GRIN2A: variants seen among roughly 807,000 people sequenced by gnomAD.
GRIN2A encodes the protein glutamate ionotropic receptor NMDA type subunit 2A.
A neutral mutation model predicts 113.4 loss-of-function variants in GRIN2A; 22 were observed. The observed-to-expected ratio is 0.19, with a 90% CI of 0.14 to 0.28. GRIN2A has a LOEUF of 0.28. GRIN2A is among the 10% of genes least tolerant of loss of function. GRIN2A has a pLI of 1.00. For synonymous variants in GRIN2A, 827 were observed against 738.4 expected (o/e 1.12, Z -1.94); for missense variants, 1,502 against 1,887.0 (o/e 0.80, Z 3.78).
At chr16:10,048,282 A>G (rs138260936) in intron 2 of GRIN2A, among the ~76,000 whole-genome samples, 1 of 152,308 alleles carries the variant, frequency 6.6e-6, no homozygotes, top group East Asian at 1.9e-4. Context: ...GCACTTAGTA[A>G]GCCCTATGTA....
At chr16:9,918,144 T>A (rs1476526647) in intron 3 of GRIN2A, among the ~76,000 whole-genome samples, 2 of 152,204 alleles carry the variant, frequency 1.3e-5, no homozygotes, top group Non-Finnish European at 2.9e-5. Context: ...ATTTTACTGA[T>A]GACAAAAATG....
intron 5 of GRIN2A, among the ~76,000 whole-genome samples, chr16:9,848,262 C>A (rs528970529): frequency 2.6e-5 from 4 of 151,100 alleles, no homozygotes; most frequent in South Asian, 2.1e-4. Context: ...GTTGCCTAGG[C>A]TGGAGTGTAG....
At chr16:9,944,886 C>T (rs2044981006) in intron 2 of GRIN2A, among the ~76,000 whole-genome samples, 1 of 152,162 alleles carries the variant, frequency 6.6e-6, no homozygotes, top group African/African-American at 2.4e-5. Flanking sequence ...ATTCATTCAA[C>T]AAATTTAACA....
chr16:9,977,746 C>T lies in GRIN2A; in HGVS notation c.415-39195G>A, dbSNP rs566761041. Among the ~76,000 whole-genome samples the T allele has an allele frequency of 1.1e-4, 17 of 152,068 alleles. No individual in the cohort carries two copies. The East Asian group carries it at 2.1e-3, about 19-fold the overall frequency. ...CCATGTGTGCATGTACTCACATGTG[C>T]ACACACACACATACACACACACTTC... On this transcript the variant is annotated intron_variant, in intron 2 of 12. Coordinates refer to ENST00000330684, the MANE Select transcript of GRIN2A (RefSeq NM_001134407.3).
chr16:9,789,307 AAAG>A (rs1176162094), intron 11 of GRIN2A, among the ~76,000 whole-genome samples: 4 of 152,180 alleles, frequency 2.6e-5, no homozygotes, highest in Non-Finnish European at 5.9e-5. Context: ...CCAGCAGACT[AAAG>A]AACAGATTTC....
chr16:9,851,330 C>A (rs2042878984), intron 4 of GRIN2A, among the ~76,000 whole-genome samples: 1 of 152,180 alleles, frequency 6.6e-6, no homozygotes, highest in Admixed American at 6.5e-5. Flanking sequence ...GTTAAACACA[C>A]ACACACATGT....
chr16:10,058,089 T>C (rs561099325), intron 2 of GRIN2A, among the ~76,000 whole-genome samples: 127 of 152,250 alleles, frequency 8.3e-4, no homozygotes, highest in African/African-American at 2.7e-3. Flanking sequence ...ACCCTGTCTC[T>C]ACTAAAAATA....
At chr16:9,868,562 T>C (rs1403707933) in intron 4 of GRIN2A, among the ~76,000 whole-genome samples, 1 of 152,182 alleles carries the variant, frequency 6.6e-6, no homozygotes, top group South Asian at 2.1e-4. Flanking sequence ...CCACCGTGCC[T>C]AGCCCAAATC....
chr16:10,173,823 T>A lies in GRIN2A; in HGVS notation c.414+6175A>T, dbSNP rs552511862. Among the ~76,000 whole-genome samples the A allele has an allele frequency of 2.6e-5, 4 of 152,262 alleles. No homozygotes were observed. The East Asian group carries it at 7.7e-4, about 29-fold the overall frequency. On this transcript the variant is annotated intron_variant, in intron 2 of 12. Coordinates refer to ENST00000330684, the MANE Select transcript of GRIN2A (RefSeq NM_001134407.3). ...GATAAAGGAAAATTCCAAGAATACA[T>A]AATCAAGTTTAAAAAAATATATAAA...
At chr16:10,071,541 A>G (rs955688363) in intron 2 of GRIN2A, among the ~76,000 whole-genome samples, 1 of 152,240 alleles carries the variant, frequency 6.6e-6, no homozygotes, top group African/African-American at 2.4e-5. Context: ...TTATGCCCCC[A>G]GGATGAAGCT....
intron 2 of GRIN2A, among the ~76,000 whole-genome samples, chr16:10,116,808 T>C (rs2048736485): frequency 6.6e-6 from 1 of 152,126 alleles, no homozygotes; most frequent in Non-Finnish European, 1.5e-5. Context: ...CTTCTATCCC[T>C]CATCATTAAA....
At chr16:9,769,372 GTATA>G (rs1198051924) in intron 11 of GRIN2A, 1 of 149,170 alleles carries the variant, frequency 6.7e-6, no homozygotes, top group Non-Finnish European at 1.4e-5. Flanking sequence ...CTATTAATAT[GTATA>G]TATATTATAT....
intron 10 of GRIN2A, among the ~76,000 whole-genome samples, chr16:9,821,840 T>C (rs2042290377): frequency 6.6e-6 from 1 of 152,306 alleles, no homozygotes; most frequent in South Asian, 2.1e-4. Flanking sequence ...ATCAATGTTA[T>C]ACAATTAGTT....
chr16:9,792,079 TTGTGTG>T (rs71400495), intron 11 of GRIN2A, among the ~76,000 whole-genome samples: 15 of 112,328 alleles, frequency 1.3e-4, no homozygotes, highest in Admixed American at 2.5e-4. Flanking sequence ...TGAAGTAAAA[TTGTGTG>T]TGTGTGTGTG....
intron 10 of GRIN2A, among the ~76,000 whole-genome samples, chr16:9,800,349 G>C (rs1903284909): frequency 6.6e-6 from 1 of 152,148 alleles, no homozygotes; most frequent in Non-Finnish European, 1.5e-5. Flanking sequence ...GTGGAATGCA[G>C]GGATGAATGT....
chr16:10,045,536 ATCT>A (rs1407329699), intron 2 of GRIN2A, among the ~76,000 whole-genome samples: 2 of 152,122 alleles, frequency 1.3e-5, no homozygotes, highest in African/African-American at 4.8e-5. Context: ...ATCCTGACTG[ATCT>A]TCTGCCAGAG....
At chr16:9,932,219 T>A (rs2044608376) in intron 3 of GRIN2A, among the ~76,000 whole-genome samples, 1 of 152,182 alleles carries the variant, frequency 6.6e-6, no homozygotes, top group African/African-American at 2.4e-5. Context: ...CGCCTGATAA[T>A]CACATGATGG....
At chr16:9,886,191 A>T (rs1222071347) in intron 4 of GRIN2A, among the ~76,000 whole-genome samples, 1 of 152,254 alleles carries the variant, frequency 6.6e-6, no homozygotes, top group Non-Finnish European at 1.5e-5. Context: ...TAACATCAAA[A>T]GGTTGAAAAC....
chr16:9,814,159 G>T (rs2042142907), intron 10 of GRIN2A, among the ~76,000 whole-genome samples: 1 of 152,094 alleles, frequency 6.6e-6, no homozygotes, highest in African/African-American at 2.4e-5. Context: ...CAATTAATAT[G>T]ATATGTACTC....
Sources: gnomAD v4.1 joint callset for allele counts (sites outside exome capture counted in the v4.1 genomes callset) on GRCh38, gnomAD v4.1.1 for gene constraint, MANE v1.5 for transcripts, NCBI Gene and HGNC (gene_info 2026-07-23, HGNC 2026-07-21) for gene names.